Variants in CNTNAP2 observed in about 807,000 individuals in gnomAD.
The protein encoded by CNTNAP2 is contactin-associated protein-like 2.
Under a neutral mutation model 155.2 loss-of-function variants are expected in CNTNAP2, and 98 were observed. The observed-to-expected ratio is 0.63, with a 90% CI of 0.54 to 0.75. The LOEUF (loss-of-function observed/expected upper bound fraction) is 0.75. Ranked by LOEUF, CNTNAP2 falls within the 30% of genes least tolerant of loss-of-function variation. The pLI, the probability that CNTNAP2 is intolerant of heterozygous loss-of-function variation, is 0.00. For synonymous variants in CNTNAP2, 651 were observed against 631.2 expected, an observed-to-expected ratio of 1.03 and a Z score of -0.47; for missense variants, 1,727 against 1,688.1, an observed-to-expected ratio of 1.02 and a Z score of -0.40.
intron 3 of CNTNAP2, among the ~76,000 whole-genome samples, chr7:146,844,953 T>A (rs1035906810): frequency 5.3e-5 from 8 of 152,148 alleles, no homozygotes; most frequent in African/African-American, 1.7e-4. Flanking sequence ...TTAAATTATA[T>A]GGTTAGATAC....
chr7:148,078,593 G>T (rs991715318), intron 15 of CNTNAP2, among the ~76,000 whole-genome samples: 1 of 152,084 alleles, frequency 6.6e-6, no homozygotes, highest in African/African-American at 2.4e-5. Context: ...CGATTCTCCT[G>T]CCTCAGCCTC....
chr7:146,910,161 A>G (rs931578093), intron 3 of CNTNAP2, among the ~76,000 whole-genome samples: 3 of 136,576 alleles, frequency 2.2e-5, no homozygotes, highest in Non-Finnish European at 3.3e-5. Flanking sequence ...AAGAGGATAC[A>G]AAGAAATGGA....
chr7:146,931,504 C>T (rs1307976030), intron 3 of CNTNAP2, among the ~76,000 whole-genome samples: 1 of 149,642 alleles, frequency 6.7e-6, no homozygotes, highest in African/African-American at 2.5e-5. Context: ...AAAACTGACA[C>T]CCTAACATCA....
chr7:147,235,129 C>A (rs527942047), intron 8 of CNTNAP2, among the ~76,000 whole-genome samples: 10 of 152,244 alleles, frequency 6.6e-5, no homozygotes, highest in African/African-American at 2.4e-4. Flanking sequence ...AACAAAAAGA[C>A]TGACTCTTCC....
chr7:146,477,226 A>G (rs1796890569), intron 1 of CNTNAP2, among the ~76,000 whole-genome samples: 1 of 152,202 alleles, frequency 6.6e-6, no homozygotes, highest in Non-Finnish European at 1.5e-5. Context: ...AAACGAATTT[A>G]TCACTAAGGA....
At chr7:148,164,732 T>G (rs1293843889) in intron 17 of CNTNAP2, among the ~76,000 whole-genome samples, 2 of 148,572 alleles carry the variant, frequency 1.3e-5, no homozygotes, top group Admixed American at 1.4e-4. Flanking sequence ...GTCATTCTCC[T>G]GCCTCAGCCT....
At position 147,775,297 on chromosome 7, in the gene CNTNAP2, ATATATATTTATAAATATATATATATT is replaced by A. The variant is rs1563084467; in HGVS notation, c.2099-128260_2099-128235del. Among the ~76,000 whole-genome samples the A allele has an allele frequency of 9.5e-3, 473 of 50,010 alleles. 11 individuals are homozygous for A. The highest frequency in any genetic ancestry group is 0.052 in the African/African-American group (422 of 8,100). The allele number at this position is 50,010 out of a possible 152,430, so 32.8% of individuals were successfully genotyped here. On this transcript the variant is annotated intron_variant, in intron 13 of 23. Transcript: ENST00000361727. ...TATATATTTATAAATATATATATTT[ATATATATTTATAAATATATATATATT>A]TATATATATTTATAAATATATATAT...
chr7:148,382,783 G>A (rs1358668523), intron 21 of CNTNAP2, among the ~76,000 whole-genome samples: 4 of 152,224 alleles, frequency 2.6e-5, no homozygotes, highest in Non-Finnish European at 2.9e-5. Flanking sequence ...GTGGTTAAAA[G>A]GCTCTGAGGT....
intron 13 of CNTNAP2, among the ~76,000 whole-genome samples, chr7:147,752,674 C>T (rs1054252793): frequency 2.0e-5 from 3 of 152,130 alleles, no homozygotes; most frequent in Non-Finnish European, 4.4e-5. Flanking sequence ...TTAAACTGGT[C>T]GCTGAGGTCA....
intron 5 of CNTNAP2, among the ~76,000 whole-genome samples, chr7:147,109,852 A>T (rs1037709935): frequency 6.6e-6 from 1 of 152,100 alleles, no homozygotes; most frequent in African/African-American, 2.4e-5. Context: ...CTGCTGAAAG[A>T]TCTGAACTCA....
intron 9 of CNTNAP2, among the ~76,000 whole-genome samples, chr7:147,303,437 C>A (rs918372911): frequency 1.3e-5 from 2 of 152,172 alleles, no homozygotes; most frequent in Non-Finnish European, 2.9e-5. Context: ...CTTGTGGATT[C>A]CTGATCAGAA....
chr7:146,722,755 G>A (rs1470643967), intron 1 of CNTNAP2, among the ~76,000 whole-genome samples: 5 of 151,938 alleles, frequency 3.3e-5, no homozygotes, highest in Admixed American at 1.3e-4. Flanking sequence ...AGTCGCTCAC[G>A]CCTGTAATCC....
At chr7:146,588,348 T>C (rs925377147) in intron 1 of CNTNAP2, among the ~76,000 whole-genome samples, 7 of 152,182 alleles carry the variant, frequency 4.6e-5, no homozygotes, top group Non-Finnish European at 8.8e-5. Context: ...TTGTAATTAA[T>C]TCCATTACAT....
chr7:146,605,433 A>T (rs1454143870), intron 1 of CNTNAP2, among the ~76,000 whole-genome samples: 1 of 150,408 alleles, frequency 6.6e-6, no homozygotes, highest in African/African-American at 2.4e-5. Context: ...GTGTTGCCCT[A>T]GTACCTCAAC....
At chr7:146,659,581 A>G (rs992716535) in intron 1 of CNTNAP2, among the ~76,000 whole-genome samples, 1 of 152,184 alleles carries the variant, frequency 6.6e-6, no homozygotes, top group Admixed American at 6.5e-5. Flanking sequence ...AATGTTCCTT[A>G]AAAATTTACA....
chr7:146,743,111 C>T (rs1307085521), intron 1 of CNTNAP2, among the ~76,000 whole-genome samples: 1 of 151,794 alleles, frequency 6.6e-6, no homozygotes, highest in Non-Finnish European at 1.5e-5. Context: ...AATGTGAAAT[C>T]CAGTATTAAG....
intron 13 of CNTNAP2, among the ~76,000 whole-genome samples, chr7:147,901,326 C>T (rs1408762778): frequency 6.6e-6 from 1 of 152,162 alleles, no homozygotes; most frequent in African/African-American, 2.4e-5. Context: ...GCTTAAAATC[C>T]TTTACTAGTT....
chr7:147,190,539 A>G (rs907301355), intron 8 of CNTNAP2, among the ~76,000 whole-genome samples: 1 of 152,226 alleles, frequency 6.6e-6, no homozygotes, highest in African/African-American at 2.4e-5. Context: ...ATTGTCACAC[A>G]TCATCTGCAT....
At chr7:146,653,306 A>T (rs909540193) in intron 1 of CNTNAP2, among the ~76,000 whole-genome samples, 1 of 152,110 alleles carries the variant, frequency 6.6e-6, no homozygotes, top group African/African-American at 2.4e-5. Flanking sequence ...ACTGATAGTC[A>T]TTGTAGTTTA....
Sources: allele counts gnomAD v4.1 joint callset (sites outside exome capture counted in the v4.1 genomes callset), GRCh38; gene constraint gnomAD v4.1.1; transcripts MANE v1.5; gene names NCBI Gene and HGNC (gene_info 2026-07-23, HGNC 2026-07-21).